SEPTIN9: variants seen among roughly 807,000 people sequenced by gnomAD.
The protein encoded by SEPTIN9 is septin-9.
SEPTIN9 carries 13 observed loss-of-function variants against 56.6 expected under a neutral mutation model. That is an observed-to-expected ratio of 0.23 (90% CI 0.15 to 0.37). The LOEUF (loss-of-function observed/expected upper bound fraction) is 0.37, where lower values mean the gene tolerates loss of function less well. Among genes scored for constraint, SEPTIN9 ranks in the 10% least tolerant of loss-of-function variants. The pLI is 1.00. For synonymous variants in SEPTIN9, 332 were observed against 334.1 expected (o/e 0.99, Z 0.07); for missense variants, 650 against 823.1 (o/e 0.79, Z 2.57).
chr17:77,440,227 T>A lies in SEPTIN9; in HGVS notation c.721+37524T>A, dbSNP rs376234401. ...TGGAGTGCAGTAGCACAATCTTGGC[T>A]CACTGCAACCTCCACCTCTCGGGTT... On this transcript the variant is annotated intron_variant, in intron 3 of 11. Coordinates refer to ENST00000427177, the MANE Select transcript of SEPTIN9 (RefSeq NM_001113491.2). 1.2e-4 allele frequency among the ~76,000 whole-genome samples: 19 copies of A among 152,290 alleles called. No homozygotes were observed. In the East Asian group the frequency reaches 3.3e-3, roughly 26 times the overall value.
intron 3 of SEPTIN9, among the ~76,000 whole-genome samples, chr17:77,417,629 G>C (rs896908543): frequency 6.6e-6 from 1 of 152,208 alleles, no homozygotes; most frequent in African/African-American, 2.4e-5. Flanking sequence ...AGCTGTTGGA[G>C]AGTTCCTGAG....
At position 77,421,176 on chromosome 17, in the gene SEPTIN9, C is replaced by T. The variant is rs1397343426; in HGVS notation, c.721+18473C>T. On this transcript the variant is annotated intron_variant, in intron 3 of 11. Coordinates refer to ENST00000427177, the MANE Select transcript of SEPTIN9 (RefSeq NM_001113491.2). This position sits in a 1 kb window ranked among gnomAD's most constrained non-coding sequence, Gnocchi z 4.6. ...TGGATGCCAGGAGCCCGAGACCTTC[C>T]AGCTCTTTCCTGTGTAAGGCGCCAT... Among the ~76,000 whole-genome samples, 1 of 152,216 alleles carries T rather than the reference C, an allele frequency of 6.6e-6. No individual in the cohort carries two copies. Among genetic ancestry groups the T allele is most frequent in the Non-Finnish European group, 1.5e-5 (1 of 68,046 alleles).
intron 2 of SEPTIN9, among the ~76,000 whole-genome samples, chr17:77,311,884 C>A (rs1359545435): frequency 6.6e-6 from 1 of 152,156 alleles, no homozygotes; most frequent in Non-Finnish European, 1.5e-5. Context: ...CTCTTGCAGG[C>A]ACCCCTAGTT....
At chr17:77,443,258 A>T (rs1183856424) in intron 3 of SEPTIN9, among the ~76,000 whole-genome samples, 1 of 151,948 alleles carries the variant, frequency 6.6e-6, no homozygotes, top group Non-Finnish European at 1.5e-5. Flanking sequence ...GACACACTTG[A>T]TGTTGGCTCA....
chr17:77,343,624 G>T (rs1169433664), intron 2 of SEPTIN9, among the ~76,000 whole-genome samples: 1 of 152,192 alleles, frequency 6.6e-6, no homozygotes, highest in Non-Finnish European at 1.5e-5. Context: ...GGGTAACCTG[G>T]TGTCTTACCA....
At chr17:77,485,244 T>TGTGGTGGTGAAGGGG (rs1295980509) in intron 4 of SEPTIN9, among the ~76,000 whole-genome samples, 1 of 106,810 alleles carries the variant, frequency 9.4e-6, no homozygotes. Flanking sequence ...TGGTGGTGAT[T>TGTGGTGGTGAAGGGG]GTGATGGTGG....
intron 2 of SEPTIN9, among the ~76,000 whole-genome samples, chr17:77,372,107 A>G (rs1001345893): frequency 6.6e-6 from 1 of 152,096 alleles, no homozygotes; most frequent in Non-Finnish European, 1.5e-5. Context: ...GTGCAGTTGT[A>G]GCGTTGCGGC....
At chr17:77,395,526 CA>C (rs72242549) in intron 2 of SEPTIN9, among the ~76,000 whole-genome samples, 32,182 of 115,112 alleles carry the variant, frequency 0.28, 3,710 homozygotes, top group East Asian at 0.49. Flanking sequence ...GAGACTGTCT[CA>C]AAAAAAAAAA....
intron 2 of SEPTIN9, among the ~76,000 whole-genome samples, chr17:77,368,217 C>T (rs989538424): frequency 6.6e-6 from 1 of 151,998 alleles, no homozygotes; most frequent in Non-Finnish European, 1.5e-5. Flanking sequence ...GAAGAAGTTT[C>T]GGAGGTGGAT....
intron 2 of SEPTIN9, among the ~76,000 whole-genome samples, chr17:77,352,729 A>G (rs762627551): frequency 2.6e-5 from 4 of 152,134 alleles, no homozygotes; most frequent in African/African-American, 4.8e-5. Flanking sequence ...CAGTGGCGTG[A>G]TCATGGCTCA....
intron 3 of SEPTIN9, among the ~76,000 whole-genome samples, chr17:77,477,361 T>G (rs190384246): frequency 6.6e-6 from 1 of 152,338 alleles, no homozygotes; most frequent in Non-Finnish European, 1.5e-5. Flanking sequence ...TCCCTACAGA[T>G]GTACTTATTC....
chr17:77,291,176 C>T (rs1275760712), intron 1 of SEPTIN9, among the ~76,000 whole-genome samples: 2 of 151,062 alleles, frequency 1.3e-5, no homozygotes, highest in Non-Finnish European at 2.9e-5. Context: ...GCTGCGATTA[C>T]AGGCATGTGC....
rs961099331 is a variant in SEPTIN9, at chr17:77,319,221, A to C, written c.76+12024A>C. The stretch of plus-strand genomic sequence containing the variant: ...GACAGAGAGGATGCCCCTGATTCCC[A>C]CCCCAGGGACCCACATTGTAAACCC... On this transcript the variant is annotated intron_variant, in intron 2 of 11. Coordinates refer to ENST00000427177, the MANE Select transcript of SEPTIN9 (RefSeq NM_001113491.2). This position sits in a 1 kb window ranked among gnomAD's most constrained non-coding sequence, Gnocchi z 5.3. Among the ~76,000 whole-genome samples, 2 of 152,126 alleles carry C rather than the reference A, an allele frequency of 1.3e-5. No homozygotes were observed. The highest frequency in any genetic ancestry group is 4.8e-5 in the African/African-American group (2 of 41,518).
At chr17:77,431,046 T>C (rs1161319852) in intron 3 of SEPTIN9, among the ~76,000 whole-genome samples, 1 of 151,122 alleles carries the variant, frequency 6.6e-6, no homozygotes, top group African/African-American at 2.4e-5. Context: ...GTCTTCCTGA[T>C]TGAAAAGCAA....
In SEPTIN9 at chr17:77,319,784, G is replaced by A; in HGVS notation, c.76+12587G>A. ...ACAGGGAAAATGAAAGACTTTGGAA[G>A]TCGTCAGGAATTTGACTCTGTGAGT... On this transcript the variant is annotated intron_variant, in intron 2 of 11. Coordinates refer to ENST00000427177, the MANE Select transcript of SEPTIN9 (RefSeq NM_001113491.2). The surrounding 1 kb of genome is among the most constrained non-coding windows in gnomAD (Gnocchi z 5.3). The A allele has an allele frequency of 9.3e-7, 1 of 1,074,206 alleles. No homozygotes were observed. Among genetic ancestry groups the A allele is most frequent in the East Asian group, 4.9e-5 (1 of 20,380 alleles). The allele number at this position is 1,074,206 out of a possible 1,614,324, so 66.5% of individuals were successfully genotyped here. A position where few individuals can be genotyped will look rare whatever the true frequency, so the allele number is the denominator to read the frequency against.
At chr17:77,481,229 G>C (rs895594769) in intron 3 of SEPTIN9, among the ~76,000 whole-genome samples, 1 of 152,248 alleles carries the variant, frequency 6.6e-6, no homozygotes, top group Non-Finnish European at 1.5e-5. Context: ...GGCCATCGAA[G>C]GGACCTACAG....
At chr17:77,489,601 T>C (rs1357964075) in intron 7 of SEPTIN9, among the ~76,000 whole-genome samples, 1 of 151,962 alleles carries the variant, frequency 6.6e-6, no homozygotes, top group Non-Finnish European at 1.5e-5. Context: ...GTGGAGAAGG[T>C]CCTTCGCACC....
chr17:77,320,066 TC>T, intron 2 of SEPTIN9: 1 of 1,415,950 alleles, frequency 7.1e-7, no homozygotes, highest in Non-Finnish European at 9.2e-7. Flanking sequence ...TCTCCTTTGC[TC>T]CCTTTTTCCT....
rs115288123 is a variant in SEPTIN9 at position 77,295,534 on chromosome 17, G to A, written c.20-11607G>A. Among the ~76,000 whole-genome samples the A allele has an allele frequency of 3.4e-3, 517 of 152,276 alleles. 10 individuals carry two copies. Among genetic ancestry groups the A allele is most frequent in the African/African-American group, 0.012 (487 of 41,532 alleles). On this transcript the variant is annotated intron_variant, in intron 1 of 11. Coordinates refer to ENST00000427177, the MANE Select transcript of SEPTIN9 (RefSeq NM_001113491.2). The stretch of plus-strand genomic sequence containing the variant: ...CTCCCAGGTTCCTCCCAAGCCTCTC[G>A]TTGGTTGAACCCAGCCCAAAGCCAG...
Sources: gnomAD v4.1 joint callset for allele counts (sites outside exome capture counted in the v4.1 genomes callset) on GRCh38, gnomAD v4.1.1 for gene constraint, Gnocchi (gnomAD v3.1) non-coding constraint, MANE v1.5 for transcripts, NCBI Gene and HGNC (gene_info 2026-07-23, HGNC 2026-07-21) for gene names.